PCDH9: variants seen among roughly 807,000 people sequenced by gnomAD.
PCDH9 encodes protocadherin-9.
PCDH9 carries 24 observed loss-of-function variants against 70.6 expected under a neutral mutation model. The observed-to-expected ratio is 0.34, with a 90% CI of 0.25 to 0.48. PCDH9 has a LOEUF of 0.48. Ranked by LOEUF, PCDH9 falls within the 20% of genes least tolerant of loss-of-function variation. PCDH9 has a pLI of 0.99. For missense variants in PCDH9, 1,281 were observed against 1,503.6 expected, an observed-to-expected ratio of 0.85 and a Z score of 2.45; for synonymous variants, 562 against 558.5, an observed-to-expected ratio of 1.01 and a Z score of -0.09.
chr13:67,076,803 C>T (rs2085886707), intron 2 of PCDH9, among the ~76,000 whole-genome samples: 1 of 152,120 alleles, frequency 6.6e-6, no homozygotes, highest in African/African-American at 2.4e-5. Flanking sequence ...ACCGGCCCCA[C>T]TCAATGGAAT....
At chr13:66,910,830 G>A (rs1339697217) in intron 2 of PCDH9, among the ~76,000 whole-genome samples, 1 of 152,054 alleles carries the variant, frequency 6.6e-6, no homozygotes, top group Non-Finnish European at 1.5e-5. Context: ...GAAATCTTTT[G>A]CCATAAATAT....
At chr13:66,824,834 G>A (rs547225615) in intron 3 of PCDH9, among the ~76,000 whole-genome samples, 7 of 151,312 alleles carry the variant, frequency 4.6e-5, no homozygotes, top group South Asian at 4.2e-4. Flanking sequence ...ACAATGGAGC[G>A]TATTCCAGAA....
At chr13:66,582,590 G>A (rs771844436) in intron 4 of PCDH9, among the ~76,000 whole-genome samples, 16 of 152,030 alleles carry the variant, frequency 1.1e-4, no homozygotes, top group South Asian at 4.2e-4. Context: ...CCAACATCAC[G>A]CCACTGCACT....
At chr13:66,366,436 T>C (rs1387258874) in intron 4 of PCDH9, among the ~76,000 whole-genome samples, 1 of 152,048 alleles carries the variant, frequency 6.6e-6, no homozygotes, top group African/African-American at 2.4e-5. Context: ...ATCCTTCAAC[T>C]CACCCTAAAT....
chr13:66,597,639 A>C (rs1379297059), intron 4 of PCDH9, among the ~76,000 whole-genome samples: 1 of 151,762 alleles, frequency 6.6e-6, no homozygotes, highest in East Asian at 1.9e-4. Context: ...AGATGAAAAC[A>C]TGGAGGAAAG....
At chr13:66,402,793 A>C (rs1957210478) in intron 4 of PCDH9, among the ~76,000 whole-genome samples, 1 of 152,216 alleles carries the variant, frequency 6.6e-6, no homozygotes. Flanking sequence ...AACAATGAAA[A>C]ATAAAGGTTG....
In PCDH9 at chr13:66,391,841, A is replaced by G. The variant is rs951691046; in HGVS notation, c.3341-86813T>C. ...ATCTAATGTACAATTTGTGGTAAAA[A>G]TATGCTTCAATCATTCTCTCTCTCT... On this transcript the variant is annotated intron_variant, in intron 4 of 4. Coordinates refer to ENST00000377865, the MANE Select transcript of PCDH9 (RefSeq NM_203487.3). Among the ~76,000 whole-genome samples the G allele has an allele frequency of 2.0e-5, 3 of 150,546 alleles. No individual in the cohort carries two copies. The Admixed American group carries it at 2.0e-4, about 10-fold the overall frequency.
Position 66,725,330 on chromosome 13 carries a change from T to C in PCDH9, c.3139-93919A>G, listed in dbSNP as rs372635134. On this transcript the variant is annotated intron_variant, in intron 3 of 4. Coordinates refer to ENST00000377865, the MANE Select transcript of PCDH9 (RefSeq NM_203487.3). ...TGGATTAGTGTAATAGCCTTTTAAT[T>C]GATCTCCCTGCTTCTACCCTAAGCC... Among the ~76,000 whole-genome samples the C allele has an allele frequency of 8.5e-5, 13 of 152,324 alleles. No homozygotes were observed. The South Asian group carries it at 2.7e-3, about 32-fold the overall frequency.
At chr13:66,494,856 T>C (rs1009780620) in intron 4 of PCDH9, among the ~76,000 whole-genome samples, 1 of 152,144 alleles carries the variant, frequency 6.6e-6, no homozygotes, top group Non-Finnish European at 1.5e-5. Flanking sequence ...TTAATTCTTT[T>C]TGGTCTCTGA....
intron 4 of PCDH9, among the ~76,000 whole-genome samples, chr13:66,353,429 A>G (rs1235208146): frequency 6.6e-6 from 1 of 152,190 alleles, no homozygotes; most frequent in Non-Finnish European, 1.5e-5. Context: ...GTATCTGTGG[A>G]TGTTAAAAAT....
At position 66,584,482 on chromosome 13, in the gene PCDH9, G is replaced by A. The variant is rs75083506; in HGVS notation, c.3340+46728C>T. Among the ~76,000 whole-genome samples, 502 of 152,164 alleles carry A rather than the reference G, an allele frequency of 3.3e-3. 3 individuals carry two copies. In the Middle Eastern group the frequency reaches 0.048, roughly 15 times the overall value. On this transcript the variant is annotated intron_variant, in intron 4 of 4. Coordinates refer to ENST00000377865, the MANE Select transcript of PCDH9 (RefSeq NM_203487.3). The stretch of plus-strand genomic sequence containing the variant: ...TAAAGTTGCTAAAATATTGAACAAA[G>A]TCGATAAACATTAGATATTGTCACC...
intron 2 of PCDH9, among the ~76,000 whole-genome samples, chr13:66,988,995 A>G (rs1252519127): frequency 6.6e-6 from 1 of 151,950 alleles, no homozygotes; most frequent in African/African-American, 2.4e-5. Flanking sequence ...TATTCATGTT[A>G]TAGATACTCA....
intron 3 of PCDH9, among the ~76,000 whole-genome samples, chr13:66,660,484 G>T (rs184992680): frequency 3.5e-4 from 54 of 152,204 alleles, no homozygotes; most frequent in African/African-American, 1.1e-3. Context: ...TCATATATCT[G>T]ATTTCAAATG....
chr13:67,146,806 G>T (rs1194185615), intron 2 of PCDH9, among the ~76,000 whole-genome samples: 5 of 152,166 alleles, frequency 3.3e-5, no homozygotes, highest in Admixed American at 6.6e-5. Context: ...GCCTACTTCA[G>T]TCAAAACACA....
At position 67,225,474 on chromosome 13, in the gene PCDH9, A is replaced by G. The variant is rs1401482658; in HGVS notation, c.2967T>C (p.Asp989=). ...AACTGCACTCTGAGGCACTGAAGTG[A>G]TCTGAACTAGTGGAAGAGCGTTTAG... ...TLSKRSSTSS[D]HFSASECSSQ... Residue 989 remains aspartate (D), a synonymous_variant, in exon 2 of 5, where the codon GAT becomes GAC. Transcript: ENST00000377865. 2.5e-6 allele frequency: 4 copies of G among 1,613,924 alleles called. No individual in the cohort carries two copies. Among genetic ancestry groups the G allele is most frequent in the Non-Finnish European group, 3.4e-6 (4 of 1,179,930 alleles).
At chr13:66,735,962 T>G (rs1267737615) in intron 3 of PCDH9, among the ~76,000 whole-genome samples, 1 of 149,718 alleles carries the variant, frequency 6.7e-6, no homozygotes, top group Non-Finnish European at 1.5e-5. Context: ...AGATTCTGTC[T>G]CAAAAAAAAA....
chr13:66,732,415 C>T (rs1231582808), intron 3 of PCDH9, among the ~76,000 whole-genome samples: 1 of 151,934 alleles, frequency 6.6e-6, no homozygotes, highest in Non-Finnish European at 1.5e-5. Context: ...TATATATTGA[C>T]CTGACTCAAA....
intron 4 of PCDH9, among the ~76,000 whole-genome samples, chr13:66,489,834 G>A (rs1320897133): frequency 2.6e-5 from 4 of 152,094 alleles, no homozygotes; most frequent in African/African-American, 7.2e-5. Context: ...ATAAGAACAC[G>A]GAGAGCTAGT....
rs1215419379 is a variant in PCDH9, at chr13:66,361,451, G to GA, written c.3341-56424dup. On this transcript the variant is annotated intron_variant, in intron 4 of 4. Coordinates refer to ENST00000377865, the MANE Select transcript of PCDH9 (RefSeq NM_203487.3). ...TATTCTCATGGATCCGGTAATAGAA[G>GA]AAAATGTGATTTAATTAGGTAGTAA... Among the ~76,000 whole-genome samples the GA allele has an allele frequency of 9.2e-5, 14 of 152,104 alleles. No homozygotes were observed. In the East Asian group the frequency reaches 2.7e-3, roughly 29 times the overall value.
Sources: allele counts gnomAD v4.1 joint callset (sites outside exome capture counted in the v4.1 genomes callset), GRCh38; gene constraint gnomAD v4.1.1; transcripts MANE v1.5; gene names NCBI Gene and HGNC (gene_info 2026-07-23, HGNC 2026-07-21).